The following ABI3BP variants were observed in gnomAD, a reference collection of about 807,000 sequenced individuals.
ABI3BP encodes the protein target of Nesh-SH3.
A neutral mutation model predicts 268.6 loss-of-function variants in ABI3BP; 216 were observed. That is an observed-to-expected ratio of 0.80 (90% CI 0.72 to 0.90). ABI3BP has a LOEUF of 0.90. Ranked by LOEUF, ABI3BP falls within the 40% of genes least tolerant of loss-of-function variation. ABI3BP has a pLI of 0.00. For synonymous variants in ABI3BP, 730 were observed against 730.0 expected (o/e 1.00, Z 0.00); for missense variants, 2,090 against 2,182.4 (o/e 0.96, Z 0.84).
rs145495255 is a variant in ABI3BP, at chr3:100,921,665, A to T, written c.259+4637T>A. On this transcript the variant is annotated intron_variant, in intron 2 of 67. Coordinates refer to ENST00000471714, the MANE Select transcript of ABI3BP (RefSeq NM_001375547.2). ...CCTACTGCCCCTCTAGTACAATCTT[A>T]AATTTTTACAGAAATTTCATATGAA... Among the ~76,000 whole-genome samples the T allele has an allele frequency of 9.6e-4, 146 of 152,316 alleles. 1 individual carries two copies. The highest frequency in any genetic ancestry group is 3.3e-3 in the African/African-American group (138 of 41,576).
At chr3:100,946,776 G>A (rs2072589247) in intron 1 of ABI3BP, among the ~76,000 whole-genome samples, 1 of 143,468 alleles carries the variant, frequency 7.0e-6, no homozygotes. Flanking sequence ...CAACAAGAGT[G>A]AAACTCCGTT....
intron 67 of ABI3BP, 29 bp downstream of exon 67, chr3:100,751,523 G>A (rs368807120): frequency 3.2e-6 from 5 of 1,551,496 alleles, no homozygotes; most frequent in South Asian, 1.2e-5. Flanking sequence ...GTAAAACTCT[G>A]TTCTTATGAG....
Position 100,833,142 on chromosome 3 carries a change from G to A in ABI3BP, c.2297C>T (p.Thr766Ile). ...LQTKLDFGPI[T>I]PGTSSAPTTT... ...GTCATTACCTGAAGATGTCCCAGGA[G>A]TAATAGGTCCAAAGTCTGTAGCAAG... The change falls in exon 30 of 68, where the codon ACT becomes ATT. Residue 766 changes from threonine to isoleucine, a missense_variant. Physicochemically the swap from Thr to Ile is moderately conservative, Grantham distance 89 (BLOSUM62 -1). Coordinates refer to ENST00000471714, the MANE Select transcript of ABI3BP (RefSeq NM_001375547.2). 1 of 1,534,732 alleles carries A rather than the reference G, an allele frequency of 6.5e-7. No individual in the cohort carries two copies. Among genetic ancestry groups the A allele is most frequent in the Non-Finnish European group, 8.7e-7 (1 of 1,145,982 alleles).
At chr3:100,926,600 T>C (rs2061869322) in intron 1 of ABI3BP, 119 bp from the exon 2 acceptor site, 1 of 920,836 alleles carries the variant, frequency 1.1e-6, no homozygotes, top group African/African-American at 1.7e-5. Flanking sequence ...TTGTCTACTT[T>C]GCTACTCAGT....
At chr3:100,897,371 A>G (rs2153472680) in intron 4 of ABI3BP, among the ~76,000 whole-genome samples, 1 of 152,286 alleles carries the variant, frequency 6.6e-6, no homozygotes, top group Admixed American at 6.5e-5. Context: ...TTTTATGCGA[A>G]AATGTTTATA....
At chr3:100,768,845 C>A (rs2096434895) in intron 62 of ABI3BP, among the ~76,000 whole-genome samples, 1 of 152,196 alleles carries the variant, frequency 6.6e-6, no homozygotes, top group Non-Finnish European at 1.5e-5. Flanking sequence ...TGATAACTAA[C>A]AACTTGAAGT....
intron 9 of ABI3BP, among the ~76,000 whole-genome samples, chr3:100,873,347 A>T (rs1269790118): frequency 6.6e-6 from 1 of 152,310 alleles, no homozygotes; most frequent in East Asian, 1.9e-4. Context: ...AAAGAAGAAA[A>T]TTGGAAACAA....
intron 50 of ABI3BP, 93 bp from the exon 51 acceptor site, chr3:100,804,959 C>T: frequency 9.9e-7 from 1 of 1,008,980 alleles, no homozygotes; most frequent in Non-Finnish European, 1.6e-6. Flanking sequence ...AGCCTGAACA[C>T]TGATAAAACA....
intron 1 of ABI3BP, chr3:100,945,715 T>C: frequency 2.4e-6 from 1 of 424,702 alleles, no homozygotes; most frequent in South Asian, 1.8e-5. Flanking sequence ...TTTTATTTAT[T>C]CAATCCAAAT....
At chr3:100,779,887 T>C (rs1378030739) in intron 58 of ABI3BP, among the ~76,000 whole-genome samples, 1 of 152,224 alleles carries the variant, frequency 6.6e-6, no homozygotes, top group East Asian at 1.9e-4. Flanking sequence ...TTATAGCAAG[T>C]AATGATTAAG....
Position 100,754,691 on chromosome 3 carries a change from A to G in ABI3BP, c.4851T>C (p.Ser1617=), listed in dbSNP as rs910894027. The change falls in exon 64 of 68, where the codon AGT becomes AGC. Residue 1617 remains serine (S), a splice_region_variant and synonymous_variant. Transcript: ENST00000471714. ...TTTTGGGTTTCACCTGGAATTCATA[A>G]CTGTTTAGGGGAAAATAAAAAAATA... The part of the protein sequence containing the change: ...STVENLKPNT[S]YEFQVKPKNP... 1.9e-6 allele frequency: 3 copies of G among 1,578,178 alleles called. No individual in the cohort carries two copies. The highest frequency in any genetic ancestry group is 2.6e-6 in the Non-Finnish European group (3 of 1,160,322).
intron 14 of ABI3BP, among the ~76,000 whole-genome samples, chr3:100,855,327 G>A (rs1045162407): frequency 6.6e-6 from 1 of 152,224 alleles, no homozygotes; most frequent in African/African-American, 2.4e-5. Context: ...GTGGAAACAT[G>A]TGATGGCATA....
At chr3:100,815,223 T>C (rs2097996220) in intron 44 of ABI3BP, among the ~76,000 whole-genome samples, 1 of 152,150 alleles carries the variant, frequency 6.6e-6, no homozygotes, top group South Asian at 2.1e-4. Flanking sequence ...TTATGTTTTC[T>C]AAAACATGTT....
intron 63 of ABI3BP, among the ~76,000 whole-genome samples, chr3:100,759,145 T>C (rs1435345555): frequency 6.6e-6 from 1 of 152,198 alleles, no homozygotes; most frequent in Non-Finnish European, 1.5e-5. Context: ...CTGTTTTTTA[T>C]ATAGAAAGTC....
At chr3:100,991,600 A>T (rs527644867) in intron 1 of ABI3BP, among the ~76,000 whole-genome samples, 1 of 152,194 alleles carries the variant, frequency 6.6e-6, no homozygotes, top group Non-Finnish European at 1.5e-5. Flanking sequence ...GAAAAAGATG[A>T]CTTCAGCTAA....
intron 6 of ABI3BP, among the ~76,000 whole-genome samples, chr3:100,881,449 A>T (rs1195517521): frequency 2.0e-5 from 3 of 152,210 alleles, no homozygotes; most frequent in Admixed American, 6.5e-5. Flanking sequence ...CACTGATTCT[A>T]GGAAGATTTA....
intron 51 of ABI3BP, among the ~76,000 whole-genome samples, chr3:100,800,471 T>C (rs2097500994): frequency 6.6e-6 from 1 of 152,224 alleles, no homozygotes; most frequent in Non-Finnish European, 1.5e-5. Context: ...TTCTGAGTCA[T>C]GCTGTTTCTC....
intron 4 of ABI3BP, among the ~76,000 whole-genome samples, chr3:100,887,546 A>C (rs1483069812): frequency 1.3e-5 from 2 of 152,054 alleles, no homozygotes; most frequent in African/African-American, 4.8e-5. Context: ...TTTTATTTTT[A>C]ATTAAACACT....
chr3:100,864,082 A>G lies in ABI3BP; in HGVS notation c.1064-6T>C. ...CGGGGTCCTTTTGCTGAGAACTACAATAAAAAAGAGTGCAGTTAGCAACTC... is the reference window on the plus strand; with the variant it reads ...CGGGGTCCTTTTGCTGAGAACTACAGTAAAAAAGAGTGCAGTTAGCAACTC... On this transcript the variant is annotated splice_polypyrimidine_tract_variant and splice_region_variant and intron_variant, in intron 11 of 67. Coordinates refer to ENST00000471714, the MANE Select transcript of ABI3BP (RefSeq NM_001375547.2). 2 of 1,533,174 alleles carry G rather than the reference A, an allele frequency of 1.3e-6. No homozygotes were observed. The highest frequency in any genetic ancestry group is 2.4e-5 in the East Asian group (1 of 40,882). The allele number at this position is 1,533,174 out of a possible 1,614,324, so 95.0% of individuals were successfully genotyped here. A position where few individuals can be genotyped will look rare whatever the true frequency, so the allele number is the denominator to read the frequency against.
Sources: allele counts gnomAD v4.1 joint callset (sites outside exome capture counted in the v4.1 genomes callset), GRCh38; gene constraint gnomAD v4.1.1; transcripts MANE v1.5; gene names NCBI Gene and HGNC (gene_info 2026-07-23, HGNC 2026-07-21).